The following LAMA3 variants were observed in gnomAD, a reference collection of about 807,000 sequenced individuals.
LAMA3 encodes the protein laminin subunit alpha-3.
Under a neutral mutation model 402.0 loss-of-function variants are expected in LAMA3, and 281 were observed. The observed-to-expected ratio is 0.70, with a 90% CI of 0.63 to 0.77. The LOEUF (loss-of-function observed/expected upper bound fraction) is 0.77, where lower values mean the gene tolerates loss of function less well. Ranked by LOEUF, LAMA3 falls within the 30% of genes least tolerant of loss-of-function variation. The pLI is 0.00. For synonymous variants in LAMA3, 1,431 were observed against 1,558.4 expected (o/e 0.92, Z 1.93); for missense variants, 3,840 against 4,215.5 (o/e 0.91, Z 2.47).
chr18:23,908,232 A>G (rs1186208431), intron 54 of LAMA3, among the ~76,000 whole-genome samples: 1 of 152,188 alleles, frequency 6.6e-6, no homozygotes, highest in Non-Finnish European at 1.5e-5. Context: ...ATTAAGAATC[A>G]GAAAACAGGC....
At position 23,931,199 on chromosome 18, in the gene LAMA3, T is replaced by C. The variant is rs1402200920; in HGVS notation, c.8574T>C (p.Ser2858=). The C allele has an allele frequency of 1.9e-6, 3 of 1,611,152 alleles. No homozygotes were observed. Among genetic ancestry groups the C allele is most frequent in the Non-Finnish European group, 2.5e-6 (3 of 1,177,216 alleles). The change falls in exon 65 of 75, where the codon TCT becomes TCC. Residue 2858 remains serine, a splice_region_variant and synonymous_variant. Transcript: ENST00000313654. ...LHYVSVISDN[S]GLRLLIDDQL... ...ATGTATCTGTAATAAGCGACAACTC[T>C]GGGTGAGTGGAATAATACTTCTGTC... is the stretch of plus-strand genomic sequence containing the variant.
intron 44 of LAMA3, 85 bp downstream of exon 44, chr18:23,895,143 A>G: frequency 6.8e-7 from 1 of 1,464,862 alleles, no homozygotes; most frequent in Non-Finnish European, 9.3e-7. Context: ...GGAAAGGTTG[A>G]CTCCTGGAAA....
intron 11 of LAMA3, 30 bp from the exon 12 acceptor site, chr18:23,783,992 AC>A (rs749880534): frequency 6.2e-7 from 1 of 1,613,574 alleles, no homozygotes; most frequent in Non-Finnish European, 8.5e-7. Flanking sequence ...GAAGATGGAG[AC>A]CCCTTCTGAA....
Position 23,921,004 on chromosome 18 carries a change from C to T in LAMA3, c.7993C>T (p.Pro2665Ser), listed in dbSNP as rs746524923. ...MVRYKLNSEL[P>S]KERGVGDAIN... ...GAGATACAAACTGAATTCAGAGCTA[C>T]CAAAAGAGAGAGGAGTTGGAGACGC... Residue 2665 changes from proline to serine, a missense_variant, in exon 61 of 75, where the codon CCA becomes TCA. Physicochemically the swap from Pro to Ser is moderately conservative, Grantham distance 74 (BLOSUM62 -1). Transcript: ENST00000313654. 3 of 1,613,904 alleles carry T rather than the reference C, an allele frequency of 1.9e-6. No homozygotes were observed. The highest frequency in any genetic ancestry group is 1.1e-5 in the South Asian group (1 of 91,072).
intron 1 of LAMA3, 24 bp from the exon 2 acceptor site, chr18:23,713,896 A>G (rs117744649): frequency 5.4e-4 from 874 of 1,605,592 alleles, no homozygotes; most frequent in Non-Finnish European, 7.0e-4. Flanking sequence ...AAAAAACAAA[A>G]AAAACCCACT....
chr18:23,854,658 A>C (rs961105937), intron 32 of LAMA3, among the ~76,000 whole-genome samples: 2 of 150,108 alleles, frequency 1.3e-5, no homozygotes, highest in South Asian at 4.2e-4. Context: ...TAAATAAATA[A>C]AAATAAATAA....
chr18:23,762,362 G>A (rs1164860658), intron 7 of LAMA3, among the ~76,000 whole-genome samples: 1 of 152,134 alleles, frequency 6.6e-6, no homozygotes, highest in Non-Finnish European at 1.5e-5. Flanking sequence ...GCCGAGGCGG[G>A]CAGGTCACTT....
chr18:23,724,341 G>T (rs1405432893), intron 2 of LAMA3, among the ~76,000 whole-genome samples: 2 of 152,142 alleles, frequency 1.3e-5, no homozygotes, highest in African/African-American at 2.4e-5. Context: ...AAATAAAAGG[G>T]TTCTATAGAA....
chr18:23,863,423 C>T (rs1053818710), intron 35 of LAMA3, among the ~76,000 whole-genome samples: 10 of 152,048 alleles, frequency 6.6e-5, no homozygotes, highest in African/African-American at 1.9e-4. Context: ...CCAGCCTGGG[C>T]GACAGAGCGA....
intron 1 of LAMA3, among the ~76,000 whole-genome samples, chr18:23,699,026 GA>G (rs2060740884): frequency 1.3e-4 from 4 of 31,758 alleles, no homozygotes; most frequent in Non-Finnish European, 2.2e-4. Context: ...CGGGCAGATA[GA>G]GAGAGAGAGA....
In LAMA3 at chr18:23,930,932, C is replaced by T. The variant is rs1005132741; in HGVS notation, c.8437-130C>T. 5 of 850,264 alleles carry T rather than the reference C, an allele frequency of 5.9e-6. No homozygotes were observed. In the East Asian group the frequency reaches 1.0e-4, roughly 17 times the overall value. 52.7% of individuals were successfully genotyped at this position (850,264 alleles called of 1,614,324 possible). A position where few individuals can be genotyped will look rare whatever the true frequency, so the allele number is the denominator to read the frequency against. The stretch of plus-strand genomic sequence containing the variant: ...AAAAAATAATCTTTAGAGCAAAAAG[C>T]AAACTCAAAGCATTTGGGTCAAAAC... On this transcript the variant is annotated intron_variant, in intron 64 of 74. Coordinates refer to ENST00000313654, the MANE Select transcript of LAMA3 (RefSeq NM_198129.4).
At chr18:23,786,930 T>G in intron 12 of LAMA3, among the ~76,000 whole-genome samples, 1 of 152,034 alleles carries the variant, frequency 6.6e-6, no homozygotes, top group East Asian at 1.9e-4. Context: ...ATCAGCAAAC[T>G]TAATGACAGA....
In LAMA3 at chr18:23,946,231, A is replaced by G; in HGVS notation, c.9298A>G (p.Ile3100Val). 1 of 1,614,196 alleles carries G rather than the reference A, an allele frequency of 6.2e-7. No individual in the cohort carries two copies. The highest frequency in any genetic ancestry group is 8.5e-7 in the Non-Finnish European group (1 of 1,180,040). ...REGSLPGNST[I>V]SIRAPVYLGS... ...GGGAAGTTTGCCTGGAAACTCCACC[A>G]TCAGCATCAGAGCGCCAGTTTACCT... Residue 3100 changes from isoleucine (I) to valine (V), a missense_variant, in exon 70 of 75, where the codon ATC becomes GTC. This residue lies in a region of LAMA3 where 840 missense variants were observed against 981.9 expected (regional missense o/e 0.86). Transcript: ENST00000313654.
chr18:23,855,771 C>T (rs1214274893), intron 32 of LAMA3, among the ~76,000 whole-genome samples: 1 of 152,184 alleles, frequency 6.6e-6, no homozygotes, highest in Non-Finnish European at 1.5e-5. Flanking sequence ...AACATTTACA[C>T]TCTATACCTA....
chr18:23,724,064 T>C (rs1484992672), intron 2 of LAMA3, among the ~76,000 whole-genome samples: 1 of 152,154 alleles, frequency 6.6e-6, no homozygotes, highest in Non-Finnish European at 1.5e-5. Context: ...CCAAAGTCCA[T>C]TGAGTAATTC....
chr18:23,753,037 A>G (rs2061781339), intron 5 of LAMA3, among the ~76,000 whole-genome samples: 2 of 152,222 alleles, frequency 1.3e-5, no homozygotes, highest in African/African-American at 2.4e-5. Context: ...TCAGCACTGC[A>G]GAGGCCTCCA....
chr18:23,793,344 C>A (rs1485042866), intron 12 of LAMA3, among the ~76,000 whole-genome samples: 2 of 151,906 alleles, frequency 1.3e-5, no homozygotes, highest in Non-Finnish European at 1.5e-5. Context: ...GAGGGGCAGT[C>A]CCTCCAGGGT....
chr18:23,954,608 TCCA>T lies in LAMA3; in HGVS notation c.9963_9965del (p.Gln3322del), dbSNP rs1192487322. On this transcript the variant is annotated inframe_deletion, in exon 75 of 75. Coordinates refer to ENST00000313654, the MANE Select transcript of LAMA3 (RefSeq NM_198129.4). ...GTCCCTGTCACTGAAGCCTTGGAAG[TCCA>T]GGGGCCTGTCAGTCTGAATGGTTGT... 1 of 1,614,020 alleles carries T rather than the reference TCCA, an allele frequency of 6.2e-7. No individual in the cohort carries two copies. Among genetic ancestry groups the T allele is most frequent in the Non-Finnish European group, 8.5e-7 (1 of 1,179,984 alleles).
chr18:23,944,476 C>T (rs1056573560), intron 69 of LAMA3, among the ~76,000 whole-genome samples: 4 of 152,250 alleles, frequency 2.6e-5, no homozygotes, highest in African/African-American at 9.6e-5. Context: ...CTTAGTCATT[C>T]AGCTGCCTTC....
Sources: allele counts gnomAD v4.1 joint callset (sites outside exome capture counted in the v4.1 genomes callset), GRCh38; gene constraint gnomAD v4.1.1; regional missense constraint gnomAD v4.1.1; transcripts MANE v1.5; gene names NCBI Gene and HGNC (gene_info 2026-07-23, HGNC 2026-07-21).